NRG3: variants seen among roughly 807,000 people sequenced by gnomAD.
NRG3 encodes pro-neuregulin-3, membrane-bound isoform.
In NRG3, 31 loss-of-function variants were observed where a neutral mutation model predicts 66.9. The observed-to-expected ratio is 0.46, with a 90% CI of 0.35 to 0.63. NRG3 has a LOEUF of 0.63. Among genes scored for constraint, NRG3 ranks in the 20% least tolerant of loss-of-function variants. The pLI, the probability that NRG3 is intolerant of heterozygous loss-of-function variation, is 0.00. For missense variants in NRG3, 910 were observed against 878.9 expected (o/e 1.04, Z -0.45); for synonymous variants, 393 against 359.4 (o/e 1.09, Z -1.06).
intron 1 of NRG3, among the ~76,000 whole-genome samples, chr10:81,927,789 A>ATTTC (rs1846950997): frequency 6.6e-6 from 1 of 152,136 alleles, no homozygotes; most frequent in Non-Finnish European, 1.5e-5. Context: ...AGTAAACTTG[A>ATTTC]AAAGGGAGTT....
chr10:82,013,321 A>G (rs780821283), intron 1 of NRG3, among the ~76,000 whole-genome samples: 1 of 152,180 alleles, frequency 6.6e-6, no homozygotes, highest in Middle Eastern at 3.2e-3. Flanking sequence ...TGATTCAATT[A>G]TCTCCACCTC....
rs1554884193 is a variant in NRG3 at position 82,321,301 on chromosome 10, T to TA, written c.824-37438_824-37437insA. Among the ~76,000 whole-genome samples the TA allele has an allele frequency of 8.7e-5, 12 of 137,950 alleles. 2 individuals are homozygous for TA. Among genetic ancestry groups the TA allele is most frequent in the African/African-American group, 3.2e-4 (11 of 34,880 alleles). The allele number at this position is 137,950 out of a possible 152,430, so 90.5% of individuals were successfully genotyped here. On this transcript the variant is annotated intron_variant, in intron 1 of 8. Transcript: ENST00000372141. ...CCTGTCACACATCCTGTGGCAGGGG[T>TA]GGGGGTGGGGGTCAGGGAACTCTCC... is the stretch of plus-strand genomic sequence containing the variant.
At chr10:82,781,916 A>G (rs1471365942) in intron 3 of NRG3, among the ~76,000 whole-genome samples, 1 of 152,144 alleles carries the variant, frequency 6.6e-6, no homozygotes, top group Non-Finnish European at 1.5e-5. Context: ...ATGTAATTAC[A>G]GTGGTTTACA....
chr10:82,202,921 A>C (rs1166297067), intron 1 of NRG3, among the ~76,000 whole-genome samples: 1 of 152,210 alleles, frequency 6.6e-6, no homozygotes, highest in Non-Finnish European at 1.5e-5. Flanking sequence ...TTAGCAAAAA[A>C]GCACATTTGT....
intron 2 of NRG3, among the ~76,000 whole-genome samples, chr10:82,475,043 A>C (rs1395618079): frequency 6.6e-6 from 1 of 152,010 alleles, no homozygotes; most frequent in East Asian, 1.9e-4. Flanking sequence ...GCCTAGCTTT[A>C]TACTTTAAAA....
intron 1 of NRG3, among the ~76,000 whole-genome samples, chr10:82,316,689 A>G (rs2081314377): frequency 2.0e-5 from 3 of 152,312 alleles, no homozygotes; most frequent in African/African-American, 7.2e-5. Flanking sequence ...AACAAAACAA[A>G]AAGTGTTTCT....
chr10:82,795,703 A>G (rs1043198044), intron 3 of NRG3, among the ~76,000 whole-genome samples: 5 of 152,182 alleles, frequency 3.3e-5, no homozygotes, highest in African/African-American at 1.2e-4. Context: ...ATATTACCTC[A>G]GGTTACTTTT....
chr10:82,274,706 A>C (rs1026456788), intron 1 of NRG3, among the ~76,000 whole-genome samples: 1 of 152,022 alleles, frequency 6.6e-6, no homozygotes, highest in African/African-American at 2.4e-5. Context: ...GTAATTAGTA[A>C]AAATATTAAA....
At chr10:82,891,988 T>C (rs754930410) in intron 4 of NRG3, among the ~76,000 whole-genome samples, 1 of 152,212 alleles carries the variant, frequency 6.6e-6, no homozygotes, top group South Asian at 2.1e-4. Flanking sequence ...TAAATATATA[T>C]TGTTTTACTC....
chr10:82,470,020 T>C (rs2132043624), intron 2 of NRG3, among the ~76,000 whole-genome samples: 1 of 152,220 alleles, frequency 6.6e-6, no homozygotes, highest in South Asian at 2.1e-4. Flanking sequence ...TTTTCCAGAC[T>C]GTAGAAGAGG....
chr10:82,002,198 G>A (rs897277033), intron 1 of NRG3, among the ~76,000 whole-genome samples: 3 of 152,070 alleles, frequency 2.0e-5, no homozygotes, highest in Non-Finnish European at 2.9e-5. Context: ...TGCCAAATAC[G>A]TTTTTGTCTT....
chr10:82,422,894 G>A (rs529537826), intron 2 of NRG3, among the ~76,000 whole-genome samples: 1 of 152,078 alleles, frequency 6.6e-6, no homozygotes, highest in Admixed American at 6.6e-5. Flanking sequence ...ACTACATTGA[G>A]TATATGCATT....
intron 1 of NRG3, among the ~76,000 whole-genome samples, chr10:82,260,534 G>A (rs2077970753): frequency 6.6e-6 from 1 of 152,180 alleles, no homozygotes; most frequent in African/African-American, 2.4e-5. Context: ...GGGTCACCAA[G>A]AGGTTTGCCA....
chr10:82,599,552 C>A (rs1417534077), intron 2 of NRG3, among the ~76,000 whole-genome samples: 4 of 152,156 alleles, frequency 2.6e-5, no homozygotes, highest in African/African-American at 4.8e-5. Flanking sequence ...CCGGGGCTCA[C>A]GCCTGTAATC....
At chr10:82,014,728 C>T (rs1001597139) in intron 1 of NRG3, among the ~76,000 whole-genome samples, 2 of 152,086 alleles carry the variant, frequency 1.3e-5, no homozygotes, top group Non-Finnish European at 2.9e-5. Context: ...AAGGTGCTGG[C>T]TTCAGGCAGG....
At chr10:82,059,782 C>T (rs2064037889) in intron 1 of NRG3, among the ~76,000 whole-genome samples, 1 of 152,138 alleles carries the variant, frequency 6.6e-6, no homozygotes, top group African/African-American at 2.4e-5. Context: ...TCTGTCCCCT[C>T]CCCTGGGAGA....
intron 1 of NRG3, among the ~76,000 whole-genome samples, chr10:82,103,435 G>A (rs1036942143): frequency 6.6e-6 from 1 of 152,178 alleles, no homozygotes; most frequent in Non-Finnish European, 1.5e-5. Context: ...GGTTTGGACT[G>A]TGAGTGTTGT....
intron 2 of NRG3, among the ~76,000 whole-genome samples, chr10:82,629,398 G>T (rs2049655339): frequency 6.6e-6 from 1 of 152,170 alleles, no homozygotes; most frequent in Non-Finnish European, 1.5e-5. Flanking sequence ...TTATCTTCTG[G>T]AAACAATTTC....
chr10:81,969,233 G>C (rs1472472074), intron 1 of NRG3, among the ~76,000 whole-genome samples: 1 of 152,102 alleles, frequency 6.6e-6, no homozygotes, highest in East Asian at 1.9e-4. Flanking sequence ...TGTCCTGAGG[G>C]AGCTGCTTTT....
Sources: gnomAD v4.1 joint callset for allele counts (sites outside exome capture counted in the v4.1 genomes callset) on GRCh38, gnomAD v4.1.1 for gene constraint, MANE v1.5 for transcripts, NCBI Gene and HGNC (gene_info 2026-07-23, HGNC 2026-07-21) for gene names.